Variants in SMAD2 observed in about 807,000 individuals in gnomAD.
SMAD2 encodes the protein MAD homolog 2.
In SMAD2, 8 loss-of-function variants were observed where a neutral mutation model predicts 64.4. The observed-to-expected ratio is 0.12, with a 90% CI of 0.07 to 0.22. The LOEUF is 0.22. Among genes scored for constraint, SMAD2 ranks in the 10% least tolerant of loss-of-function variants. The pLI is 1.00. For synonymous variants in SMAD2, 203 were observed against 195.8 expected (o/e 1.04, Z -0.31); for missense variants, 289 against 561.2 (o/e 0.51, Z 4.90).
In SMAD2 at chr18:47,904,586, C is replaced by T. The variant is rs116374181; in HGVS notation, c.-53-7777G>A. ...GCCGGCTTGGGCCCAAGATCCCGTA[C>T]TAATACACAGCAAAGGTCTGTTACT... On this transcript the variant is annotated intron_variant, in intron 1 of 10. Transcript: ENST00000262160. Among the ~76,000 whole-genome samples the T allele has an allele frequency of 6.8e-3, 1,038 of 152,180 alleles. 10 individuals are homozygous for T. Among genetic ancestry groups the T allele is most frequent in the African/African-American group, 0.024 (982 of 41,502 alleles).
intron 1 of SMAD2, among the ~76,000 whole-genome samples, chr18:47,919,299 A>T (rs1274387703): frequency 2.0e-5 from 3 of 151,176 alleles, no homozygotes; most frequent in Non-Finnish European, 4.4e-5. Flanking sequence ...CCCCCAACAC[A>T]CTCTCCAGGA....
intron 2 of SMAD2, among the ~76,000 whole-genome samples, chr18:47,875,900 T>A (rs2032235693): frequency 6.6e-6 from 1 of 152,086 alleles, no homozygotes; most frequent in South Asian, 2.1e-4. Flanking sequence ...TGGAATTTTG[T>A]GGGTTATATA....
rs1050200522 is a variant in SMAD2 at position 47,825,160 on chromosome 18, G to C, written c.*16667C>G. 2.0e-5 allele frequency: 3 copies of C among 152,194 alleles called. No homozygotes were observed. The highest frequency in any genetic ancestry group is 2.0e-4 in the Admixed American group (3 of 15,280). 9.4% of individuals were successfully genotyped at this position (152,194 alleles called of 1,614,324 possible). On this transcript the variant is annotated 3_prime_UTR_variant, in exon 11 of 11. Coordinates refer to ENST00000262160, the MANE Select transcript of SMAD2 (RefSeq NM_005901.6). ...CCATTCAAGATGAGCGTGGGGAAGG[G>C]AAGCCCATTTAAACATATATTCAAG... is the stretch of plus-strand genomic sequence containing the variant.
At chr18:47,900,400 A>G (rs1388073306) in intron 1 of SMAD2, among the ~76,000 whole-genome samples, 2 of 152,060 alleles carry the variant, frequency 1.3e-5, no homozygotes, top group African/African-American at 4.8e-5. Context: ...CATATTCTCC[A>G]TAAACTGTTC....
In SMAD2 at chr18:47,924,808, G is replaced by A. The variant is rs534279168; in HGVS notation, c.-54+5553C>T. Among the ~76,000 whole-genome samples the A allele has an allele frequency of 1.3e-3, 194 of 152,316 alleles. 1 individual carries two copies. The highest frequency in any genetic ancestry group is 4.3e-3 in the African/African-American group (180 of 41,564). On this transcript the variant is annotated intron_variant, in intron 1 of 10. Coordinates refer to ENST00000262160, the MANE Select transcript of SMAD2 (RefSeq NM_005901.6). ...ATGAAAGACGTGATGAGGATGGAAC[G>A]TTTCCTTGATATTTACAAGACCTTA...
chr18:47,857,763 C>G (rs979950222), intron 6 of SMAD2, among the ~76,000 whole-genome samples: 1 of 152,130 alleles, frequency 6.6e-6, no homozygotes, highest in African/African-American at 2.4e-5. Context: ...CATGCACAGA[C>G]GACAGGAATC....
chr18:47,898,425 AC>A lies in SMAD2; in HGVS notation c.-53-1617del, dbSNP rs1476074394. On this transcript the variant is annotated intron_variant, in intron 1 of 10. Transcript: ENST00000262160. ...TGTGTATGTTTTTGTGTATGTGTGT[AC>A]AAAAAACTGGATAAAACATTTTTAA... Among the ~76,000 whole-genome samples the A allele has an allele frequency of 2.0e-5, 3 of 152,268 alleles. No individual in the cohort carries two copies. In the East Asian group the frequency reaches 5.8e-4, roughly 29 times the overall value.
chr18:47,850,326 TGTATA>T lies in SMAD2; in HGVS notation c.784+943_784+947del, dbSNP rs1404432309. Among the ~76,000 whole-genome samples, 18 of 60,814 alleles carry T rather than the reference TGTATA, an allele frequency of 3.0e-4. 1 individual carries two copies. The highest frequency in any genetic ancestry group is 6.2e-4 in the Admixed American group (2 of 3,234). 39.9% of individuals were successfully genotyped at this position (60,814 alleles called of 152,430 possible). ...TATTATGTATGTTATATACATATTA[TGTATA>T]ATATATGTTATATATATTATACATA... On this transcript the variant is annotated intron_variant, in intron 7 of 10. Transcript: ENST00000262160.
intron 1 of SMAD2, among the ~76,000 whole-genome samples, chr18:47,916,844 T>C (rs2034357277): frequency 1.3e-5 from 2 of 152,258 alleles, no homozygotes; most frequent in Non-Finnish European, 2.9e-5. Flanking sequence ...CACAGTATTC[T>C]TGCAGTTTTA....
At chr18:47,908,287 C>A (rs2033984992) in intron 1 of SMAD2, among the ~76,000 whole-genome samples, 1 of 152,148 alleles carries the variant, frequency 6.6e-6, no homozygotes, top group Admixed American at 6.5e-5. Context: ...CCATCACAAA[C>A]ATACATGAGG....
rs917995041 is a variant in SMAD2 at position 47,837,378 on chromosome 18, C to T, written c.*4449G>A. ...GAGATCGAGACCATCCTGGCCAACA[C>T]GGTGAAACCCCGTCTCTACTAAAAA... On this transcript the variant is annotated 3_prime_UTR_variant, in exon 11 of 11. Coordinates refer to ENST00000262160, the MANE Select transcript of SMAD2 (RefSeq NM_005901.6). The T allele has an allele frequency of 1.4e-4, 27 of 189,830 alleles. No individual in the cohort carries two copies. The highest frequency in any genetic ancestry group is 7.8e-4 in the South Asian group (4 of 5,122). 11.8% of individuals were successfully genotyped at this position (189,830 alleles called of 1,614,324 possible).
intron 2 of SMAD2, among the ~76,000 whole-genome samples, chr18:47,893,287 G>A (rs1479939568): frequency 1.3e-5 from 2 of 152,184 alleles, no homozygotes; most frequent in Non-Finnish European, 2.9e-5. Flanking sequence ...TGAGATGAGG[G>A]GAGTGGGAGG....
At position 47,838,294 on chromosome 18, in the gene SMAD2, AT is replaced by A. The variant is rs1218082884; in HGVS notation, c.*3532del. 3 of 233,276 alleles carry A rather than the reference AT, an allele frequency of 1.3e-5. No homozygotes were observed. The highest frequency in any genetic ancestry group is 1.7e-5 in the Non-Finnish European group (2 of 117,986). The allele number at this position is 233,276 out of a possible 1,614,324, so 14.5% of individuals were successfully genotyped here. A position where few individuals can be genotyped will look rare whatever the true frequency, so the allele number is the denominator to read the frequency against. On this transcript the variant is annotated 3_prime_UTR_variant, in exon 11 of 11. Transcript: ENST00000262160. ...AAAAAATACAACTAGGTATTAAACAATTTGTAAAAACTTACAAAGAAAATTT... is the reference window on the plus strand; with the variant it reads ...AAAAAATACAACTAGGTATTAAACAATTGTAAAAACTTACAAAGAAAATTT...
Position 47,850,450 on chromosome 18 carries a change from A to G in SMAD2, c.784+824T>C, listed in dbSNP as rs1333464296. 4.7e-4 allele frequency among the ~76,000 whole-genome samples: 11 copies of G among 23,536 alleles called. 2 individuals are homozygous for G. The highest frequency in any genetic ancestry group is 1.1e-3 in the Admixed American group (1 of 940). 15.4% of individuals were successfully genotyped at this position (23,536 alleles called of 152,430 possible). On this transcript the variant is annotated intron_variant, in intron 7 of 10. Transcript: ENST00000262160. ...ATTATATATATTATGTATAATATAT[A>G]TTATATATTATACATAATATATATT...
rs1005357054 is a variant in SMAD2, at chr18:47,820,083, T to C, written c.*21744A>G. On this transcript the variant is annotated 3_prime_UTR_variant, in exon 11 of 11. Transcript: ENST00000262160. ...ACTTTTCATGTAATTTGAAATCTTATAAATTAATCTTCAGTAAATGTCTGG... is the reference window on the plus strand; with the variant it reads ...ACTTTTCATGTAATTTGAAATCTTACAAATTAATCTTCAGTAAATGTCTGG... The C allele has an allele frequency of 2.0e-5, 3 of 152,154 alleles. No individual in the cohort carries two copies. The highest frequency in any genetic ancestry group is 4.4e-5 in the Non-Finnish European group (3 of 68,036). 9.4% of individuals were successfully genotyped at this position (152,154 alleles called of 1,614,324 possible). A position where few individuals can be genotyped will look rare whatever the true frequency, so the allele number is the denominator to read the frequency against.
chr18:47,923,030 G>A (rs1279961635), intron 1 of SMAD2, among the ~76,000 whole-genome samples: 1 of 149,424 alleles, frequency 6.7e-6, no homozygotes, highest in Non-Finnish European at 1.5e-5. Flanking sequence ...CATTAAATAG[G>A]GACTGCTGTG....
At chr18:47,848,823 G>A (rs535930677) in intron 7 of SMAD2, 136 bp from the exon 8 acceptor site, 7 of 667,930 alleles carry the variant, frequency 1.0e-5, no homozygotes, top group Admixed American at 7.6e-5. Flanking sequence ...AGTAGACATA[G>A]TATCTGTATC....
intron 1 of SMAD2, among the ~76,000 whole-genome samples, chr18:47,922,994 A>G (rs1233522991): frequency 6.6e-6 from 1 of 152,168 alleles, no homozygotes; most frequent in Non-Finnish European, 1.5e-5. Context: ...TTAATTCAAG[A>G]AAATTATTAT....
At chr18:47,858,629 C>G (rs2030920667) in intron 6 of SMAD2, among the ~76,000 whole-genome samples, 1 of 151,972 alleles carries the variant, frequency 6.6e-6, no homozygotes, top group Non-Finnish European at 1.5e-5. Context: ...GTACAAACAA[C>G]AGAAGTAGAT....
Sources: gnomAD v4.1 joint callset for allele counts (sites outside exome capture counted in the v4.1 genomes callset) on GRCh38, gnomAD v4.1.1 for gene constraint, MANE v1.5 for transcripts, NCBI Gene and HGNC (gene_info 2026-07-23, HGNC 2026-07-21) for gene names.